Variants in ATG4C observed in about 807,000 individuals in gnomAD.
ATG4C encodes autophagy related 4C cysteine peptidase.
ATG4C carries 56 observed loss-of-function variants against 57.6 expected under a neutral mutation model. The observed-to-expected ratio is 0.97, with a 90% CI of 0.78 to 1.21. ATG4C has a LOEUF of 1.21. ATG4C is among the 50% of genes most tolerant of loss of function. ATG4C has a pLI of 0.00. For synonymous variants in ATG4C, 157 were observed against 174.1 expected (o/e 0.90, Z 0.78); for missense variants, 595 against 529.8 (o/e 1.12, Z -1.21).
chr1:62,808,247 A>C (rs188496465), intron 3 of ATG4C, among the ~76,000 whole-genome samples: 11 of 152,344 alleles, frequency 7.2e-5, no homozygotes, highest in Non-Finnish European at 1.3e-4. Context: ...AGCATCTGGC[A>C]GATGATTGGA....
intron 6 of ATG4C, among the ~76,000 whole-genome samples, chr1:62,821,776 T>C (rs1414601554): frequency 6.6e-6 from 1 of 151,990 alleles, no homozygotes; most frequent in East Asian, 1.9e-4. Flanking sequence ...ATGTATGTAA[T>C]GAGATATCTT....
chr1:62,805,237 T>C lies in ATG4C; in HGVS notation c.142T>C (p.Tyr48His). 6.6e-7 allele frequency: 1 copy of C among 1,518,640 alleles called. No homozygotes were observed. The allele number at this position is 1,518,640 out of a possible 1,614,324, so 94.1% of individuals were successfully genotyped here. Residue 48 changes from tyrosine (Y) to histidine (H), a missense_variant, in exon 3 of 11, where the codon TAC becomes CAC. Physicochemically the swap from Tyr to His is moderately conservative, Grantham distance 83. Transcript: ENST00000317868. ...NSPVLLLGKC[Y>H]HFKYEDEDKT... The stretch of plus-strand genomic sequence containing the variant: ...TCCTGTATTATTGCTTGGAAAATGT[T>C]ACCATTTTAAATATGAAGGTAAGTA...
At chr1:62,841,200 A>G (rs1339678489) in intron 9 of ATG4C, among the ~76,000 whole-genome samples, 2 of 152,196 alleles carry the variant, frequency 1.3e-5, no homozygotes, top group African/African-American at 2.4e-5. Context: ...TGGCACTAAT[A>G]TCACAAAAGG....
intron 3 of ATG4C, among the ~76,000 whole-genome samples, chr1:62,809,701 A>G (rs1405698757): frequency 6.6e-6 from 1 of 150,690 alleles, no homozygotes; most frequent in Non-Finnish European, 1.5e-5. Flanking sequence ...CCAAAATAAT[A>G]AAGAACCACA....
intron 1 of ATG4C, among the ~76,000 whole-genome samples, chr1:62,793,834 ATATAAGTCTC>A (rs67438331): frequency 0.14 from 21,867 of 151,868 alleles, 1,653 homozygotes; most frequent in South Asian, 0.19. Flanking sequence ...ATAAGTCTCT[ATATAAGTCTC>A]TATATTAACT....
intron 10 of ATG4C, among the ~76,000 whole-genome samples, chr1:62,843,378 TG>T (rs1666230541): frequency 6.6e-6 from 1 of 152,220 alleles, no homozygotes; most frequent in African/African-American, 2.4e-5. Context: ...AATAGCTTTT[TG>T]TAGCAGTATC....
At chr1:62,805,030 A>G (rs139299814) in intron 2 of ATG4C, 142 bp from the exon 3 acceptor site, 472 of 1,302,384 alleles carry the variant, frequency 3.6e-4, no homozygotes, top group Non-Finnish European at 4.4e-4. Context: ...CAAATATTGT[A>G]TTTTGCAACT....
At chr1:62,832,672 A>G (rs1195005213) in intron 7 of ATG4C, among the ~76,000 whole-genome samples, 2 of 152,100 alleles carry the variant, frequency 1.3e-5, no homozygotes, top group African/African-American at 2.4e-5. Context: ...TCAACACTAC[A>G]TTGGGGATTA....
intron 4 of ATG4C, 72 bp from the exon 5 acceptor site, chr1:62,818,933 G>A (rs970019974): frequency 2.5e-5 from 30 of 1,211,098 alleles, no homozygotes; most frequent in Non-Finnish European, 3.1e-5. Context: ...TAAATGCTAC[G>A]TATTTATTTT....
At chr1:62,805,035 G>T in intron 2 of ATG4C, 137 bp from the exon 3 acceptor site, 3 of 1,312,732 alleles carry the variant, frequency 2.3e-6, no homozygotes, top group Non-Finnish European at 2.9e-6. Flanking sequence ...ATTGTATTTT[G>T]CAACTGTTGC....
intron 1 of ATG4C, among the ~76,000 whole-genome samples, chr1:62,791,945 A>G (rs1361145744): frequency 1.3e-5 from 2 of 152,136 alleles, no homozygotes; most frequent in South Asian, 2.1e-4. Context: ...ATACACATCC[A>G]TATATTTGTA....
intron 3 of ATG4C, among the ~76,000 whole-genome samples, chr1:62,808,422 G>C (rs1664949976): frequency 6.6e-6 from 1 of 152,068 alleles, no homozygotes; most frequent in Admixed American, 6.6e-5. Flanking sequence ...TGGAAGTGAA[G>C]GATAGACATA....
intron 3 of ATG4C, among the ~76,000 whole-genome samples, chr1:62,814,091 C>G (rs1665182883): frequency 6.6e-6 from 1 of 152,154 alleles, no homozygotes; most frequent in South Asian, 2.1e-4. Context: ...ACTCCTATTA[C>G]TAGGTATATA....
chr1:62,805,722 A>G (rs1254958589), intron 3 of ATG4C, among the ~76,000 whole-genome samples: 2 of 152,182 alleles, frequency 1.3e-5, no homozygotes, highest in East Asian at 1.9e-4. Context: ...GCCGGGCACC[A>G]TGCTGGGCTC....
chr1:62,837,952 G>A lies in ATG4C; in HGVS notation c.1089+3100G>A, dbSNP rs986756356. ...ATCACAGGTGGGTGCCACCATACCC[G>A]GTTAATTATCAGTAGGTACTTTTTA... is the stretch of plus-strand genomic sequence containing the variant. On this transcript the variant is annotated intron_variant, in intron 9 of 10. Coordinates refer to ENST00000317868, the MANE Select transcript of ATG4C (RefSeq NM_032852.4). Among the ~76,000 whole-genome samples, 53 of 152,036 alleles carry A rather than the reference G, an allele frequency of 3.5e-4. 4 individuals carry two copies. Among genetic ancestry groups the A allele is most frequent in the East Asian group, 1.9e-4 (1 of 5,182 alleles).
At chr1:62,831,250 C>T (rs1439188787) in intron 7 of ATG4C, among the ~76,000 whole-genome samples, 2 of 152,044 alleles carry the variant, frequency 1.3e-5, no homozygotes, top group Admixed American at 6.6e-5. Flanking sequence ...ATGGTTGAGT[C>T]AAACCCCAAT....
intron 1 of ATG4C, among the ~76,000 whole-genome samples, chr1:62,802,416 A>T (rs143534867): frequency 9.9e-5 from 15 of 151,500 alleles, no homozygotes; most frequent in African/African-American, 3.6e-4. Context: ...TGGATTTTGG[A>T]TTTTCGGATT....
chr1:62,854,680 T>G (rs2100361853), intron 10 of ATG4C, among the ~76,000 whole-genome samples: 1 of 152,318 alleles, frequency 6.6e-6, no homozygotes, highest in African/African-American at 2.4e-5. Flanking sequence ...AAAAGCTGAG[T>G]AGAAGCTCTG....
chr1:62,815,305 A>G (rs890803310), intron 3 of ATG4C, among the ~76,000 whole-genome samples: 3 of 151,680 alleles, frequency 2.0e-5, no homozygotes, highest in African/African-American at 7.3e-5. Flanking sequence ...TAGTGGTTTA[A>G]GGTTTATAGT....
Sources: allele counts gnomAD v4.1 joint callset (sites outside exome capture counted in the v4.1 genomes callset), GRCh38; gene constraint gnomAD v4.1.1; transcripts MANE v1.5; gene names NCBI Gene and HGNC (gene_info 2026-07-23, HGNC 2026-07-21).